The following IL16 variants were observed in gnomAD, a reference collection of about 807,000 sequenced individuals.
IL16 encodes pro-interleukin-16.
A neutral mutation model predicts 110.1 loss-of-function variants in IL16; 67 were observed. That is an observed-to-expected ratio of 0.61 (90% CI 0.50 to 0.75). The LOEUF is 0.75. Among genes scored for constraint, IL16 ranks in the 30% least tolerant of loss-of-function variants. The pLI is 0.00. For synonymous variants in IL16, 689 were observed against 662.9 expected (o/e 1.04, Z -0.61); for missense variants, 1,545 against 1,655.0 (o/e 0.93, Z 1.15).
At chr15:81,240,744 A>C (rs753308183) in intron 2 of IL16, among the ~76,000 whole-genome samples, 7 of 151,546 alleles carry the variant, frequency 4.6e-5, no homozygotes, top group Non-Finnish European at 8.8e-5. Flanking sequence ...ATTTTCTCCC[A>C]GCTTTTAATT....
At chr15:81,307,341 G>A (rs916572508) in intron 18 of IL16, among the ~76,000 whole-genome samples, 1 of 152,178 alleles carries the variant, frequency 6.6e-6, no homozygotes, top group African/African-American at 2.4e-5. Flanking sequence ...ATAAAAGGAG[G>A]TAAAGAGGTA....
chr15:81,217,038 A>C (rs1896460198), intron 1 of IL16, among the ~76,000 whole-genome samples: 1 of 148,076 alleles, frequency 6.8e-6, no homozygotes, highest in South Asian at 2.1e-4. Flanking sequence ...AAAATAAAAC[A>C]AATAAAAGCA....
chr15:81,291,374 G>A (rs1336993852), intron 11 of IL16, among the ~76,000 whole-genome samples: 2 of 152,138 alleles, frequency 1.3e-5, no homozygotes, highest in Non-Finnish European at 2.9e-5. Context: ...CACAGGTGAA[G>A]TGAATTTTTA....
chr15:81,292,418 C>T (rs1237257074), intron 11 of IL16, 138 bp from the exon 12 acceptor site: 5 of 1,289,262 alleles, frequency 3.9e-6, no homozygotes, highest in Non-Finnish European at 5.6e-6. Context: ...CTGCCATACT[C>T]CAGATCCACA....
At chr15:81,250,111 A>T (rs1241404155) in intron 2 of IL16, among the ~76,000 whole-genome samples, 4 of 152,112 alleles carry the variant, frequency 2.6e-5, no homozygotes, top group African/African-American at 9.7e-5. Context: ...TCACTCCATA[A>T]TTGGAAGTCT....
intron 1 of IL16, among the ~76,000 whole-genome samples, chr15:81,208,998 A>G (rs1286395448): frequency 6.6e-6 from 1 of 152,226 alleles, no homozygotes; most frequent in African/African-American, 2.4e-5. Flanking sequence ...CTAAAACAGA[A>G]CAGTGCACAT....
In IL16 at chr15:81,300,107, G is replaced by T. The variant is rs754659405; in HGVS notation, c.2781G>T (p.Arg927=). The part of the protein sequence containing the change: ...PGVSESPPPG[R]QPNQKTLPPG... ...TGTCTGAGTCCCCTCCCCCAGGGCG[G>T]CAGCCCAATCAGAAAACTCTCCCCC... The change falls in exon 14 of 19, where the codon CGG becomes CGT. Residue 927 remains arginine, a synonymous_variant. Transcript: ENST00000683961. 12 of 1,586,890 alleles carry T rather than the reference G, an allele frequency of 7.6e-6. No individual in the cohort carries two copies. The highest frequency in any genetic ancestry group is 1.7e-4 in the Middle Eastern group (1 of 5,904).
intron 15 of IL16, 43 bp downstream of exon 15, chr15:81,301,555 T>G (rs1467046563): frequency 6.4e-7 from 1 of 1,572,078 alleles, no homozygotes; most frequent in East Asian, 2.2e-5. Flanking sequence ...AATGGCTTAT[T>G]ATGGCTGTGT....
At chr15:81,250,774 T>C (rs955820452) in intron 2 of IL16, among the ~76,000 whole-genome samples, 2 of 152,230 alleles carry the variant, frequency 1.3e-5, no homozygotes, top group African/African-American at 4.8e-5. Flanking sequence ...GGGGAAGATT[T>C]TCCTCCTTCC....
In IL16 at chr15:81,312,941, C is replaced by T. The variant is rs141019035; in HGVS notation, c.*4143C>T. On this transcript the variant is annotated 3_prime_UTR_variant, in exon 19 of 19. Transcript: ENST00000683961. ...ATAAAGCCTTGGTGCCAGAGTGCAT[C>T]GCATGGTGTCCAGGCCGAGTCTCTG... 2.8e-3 allele frequency: 498 copies of T among 178,890 alleles called. 1 individual carries two copies. Among genetic ancestry groups the T allele is most frequent in the African/African-American group, 0.011 (465 of 42,514 alleles). 11.1% of individuals were successfully genotyped at this position (178,890 alleles called of 1,614,324 possible).
At chr15:81,253,618 TTTTGAGGTCC>T (rs1268096047) in intron 2 of IL16, among the ~76,000 whole-genome samples, 43 of 152,330 alleles carry the variant, frequency 2.8e-4, no homozygotes, top group African/African-American at 9.4e-4. Flanking sequence ...CTATGATCTA[TTTTGAGGTCC>T]TTTTTGTGTA....
At chr15:81,273,939 C>T (rs532150342) in intron 6 of IL16, among the ~76,000 whole-genome samples, 1 of 151,624 alleles carries the variant, frequency 6.6e-6, no homozygotes, top group African/African-American at 2.4e-5. Context: ...ACCCCCACCT[C>T]CACCCTAAAG....
intron 1 of IL16, among the ~76,000 whole-genome samples, chr15:81,206,813 A>G (rs4573895): frequency 0.14 from 21,034 of 152,090 alleles, 1,923 homozygotes; most frequent in East Asian, 0.39. Flanking sequence ...GTATTTCACA[A>G]TTCCTGGGTT....
At chr15:81,272,864 T>C (rs1353817818) in intron 5 of IL16, among the ~76,000 whole-genome samples, 1 of 152,186 alleles carries the variant, frequency 6.6e-6, no homozygotes, top group African/African-American at 2.4e-5. Context: ...CTCCAGACAC[T>C]ACCCAGCCCA....
chr15:81,216,056 T>C (rs1317930870), intron 1 of IL16, among the ~76,000 whole-genome samples: 2 of 152,152 alleles, frequency 1.3e-5, no homozygotes, highest in Non-Finnish European at 2.9e-5. Context: ...GCAGAACAGA[T>C]GTGCATCATT....
intron 2 of IL16, among the ~76,000 whole-genome samples, chr15:81,244,910 C>T (rs75469757): frequency 0.031 from 4,788 of 152,070 alleles, 141 homozygotes; most frequent in East Asian, 0.16. Context: ...TCTGTTATTC[C>T]GTATTCTGAT....
At chr15:81,292,036 A>G (rs538670524) in intron 11 of IL16, 3 of 453,416 alleles carry the variant, frequency 6.6e-6, no homozygotes, top group South Asian at 1.6e-5. Context: ...GGCAGGGTAG[A>G]CAGAGGGAGG....
upstream of IL16, among the ~76,000 whole-genome samples, chr15:81,196,430 A>G (rs1020395240): frequency 1.3e-5 from 2 of 152,080 alleles, no homozygotes; most frequent in African/African-American, 4.8e-5. Flanking sequence ...ATAATTTGAG[A>G]GGAGTTCTTG....
In IL16 at chr15:81,311,326, CAAG is replaced by C. The variant is rs1900842643; in HGVS notation, c.*2532_*2534del. ...ACATTATCTCACTTGTGCCAACACT[CAAG>C]AAGCAGGCTACACTGACACTGGTAT... On this transcript the variant is annotated 3_prime_UTR_variant, in exon 19 of 19. Coordinates refer to ENST00000683961, the MANE Select transcript of IL16 (RefSeq NM_172217.5). 6.6e-6 allele frequency: 1 copy of C among 152,242 alleles called. No homozygotes were observed. The highest frequency in any genetic ancestry group is 2.4e-5 in the African/African-American group (1 of 41,468). The allele number at this position is 152,242 out of a possible 1,614,324, so 9.4% of individuals were successfully genotyped here.
Sources: gnomAD v4.1 joint callset for allele counts (sites outside exome capture counted in the v4.1 genomes callset) on GRCh38, gnomAD v4.1.1 for gene constraint, MANE v1.5 for transcripts, NCBI Gene and HGNC (gene_info 2026-07-23, HGNC 2026-07-21) for gene names.